The following H3Y2 variants were observed in gnomAD, a reference collection of about 807,000 sequenced individuals.
The protein encoded by H3Y2 is histone H3.X.
H3Y2 carries 2 observed loss-of-function variants against 0.6 expected under a neutral mutation model. The observed-to-expected ratio is 3.36, with a 90% CI of 1.37 to 10.58. The LOEUF (loss-of-function observed/expected upper bound fraction) is 10.58. H3Y2 is among the 30% of genes most tolerant of loss of function. H3Y2 has a pLI of 0.04. For synonymous variants in H3Y2, 20 were observed against 7.8 expected (o/e 2.56, Z -2.60); for missense variants, 36 against 19.1 (o/e 1.89, Z -1.66).
Position 17,491,858 on chromosome 5 carries a change from G to A in H3Y2, c.-90C>T. 2.5e-6 allele frequency: 1 copy of A among 398,462 alleles called. No individual in the cohort carries two copies. The highest frequency in any genetic ancestry group is 4.4e-6 in the Non-Finnish European group (1 of 226,550). 24.7% of individuals were successfully genotyped at this position (398,462 alleles called of 1,614,324 possible). A position where few individuals can be genotyped will look rare whatever the true frequency, so the allele number is the denominator to read the frequency against. ...GTCAGAAAACAAGGGCAGTGGTGCTGTGGACAGGATTCAGAGAGCCTGTGA... is the reference window on the plus strand; with the variant it reads ...GTCAGAAAACAAGGGCAGTGGTGCTATGGACAGGATTCAGAGAGCCTGTGA... On this transcript the variant is annotated 5_prime_UTR_variant, in exon 1 of 1. Coordinates refer to ENST00000600799, the MANE Select transcript of H3Y2 (RefSeq NM_001371919.1).
In H3Y2 at chr5:17,491,829, T is replaced by C. The variant is rs756681934; in HGVS notation, c.-61A>G. Reference sequence around the variant, plus strand: ...GAGCCTGGCCTGCTGCAGGCAGTACTGGCGTCAGAAAACAAGGGCAGTGGT... The same window carrying C: ...GAGCCTGGCCTGCTGCAGGCAGTACCGGCGTCAGAAAACAAGGGCAGTGGT... On this transcript the variant is annotated 5_prime_UTR_variant, in exon 1 of 1. Coordinates refer to ENST00000600799, the MANE Select transcript of H3Y2 (RefSeq NM_001371919.1). 1 of 399,144 alleles carries C rather than the reference T, an allele frequency of 2.5e-6. No individual in the cohort carries two copies. Among genetic ancestry groups the C allele is most frequent in the Non-Finnish European group, 4.4e-6 (1 of 226,846 alleles). 24.7% of individuals were successfully genotyped at this position (399,144 alleles called of 1,614,324 possible).
rs756707557 is a variant in H3Y2, at chr5:17,491,371, C to T, written c.398G>A (p.Gly133Glu). Residue 133 changes from glycine to glutamate, a missense_variant, in exon 1 of 1, where the codon GGA (glycine) becomes GAA (glutamate). Coordinates refer to ENST00000600799, the MANE Select transcript of H3Y2 (RefSeq NM_001371919.1). ...GAGCGTGGGCTCTCCGGCACCCTCT[C>T]CACGGAGGCGGCGGGCCAGCTGCAT... ...RDMQLARRLR[G>E]EGAGEPTLLG... is the part of the protein sequence containing the mutation. 1 of 441,282 alleles carries T rather than the reference C, an allele frequency of 2.3e-6. No homozygotes were observed. Among genetic ancestry groups the T allele is most frequent in the Non-Finnish European group, 4.0e-6 (1 of 248,112 alleles). 27.3% of individuals were successfully genotyped at this position (441,282 alleles called of 1,614,324 possible).
rs1201532485 is a variant in H3Y2 at position 17,491,752 on chromosome 5, T to G, written c.17A>C (p.Gln6Pro). Residue 6 changes from glutamine (Q) to proline (P), a missense_variant, in exon 1 of 1, where the codon CAG becomes CCG. Gln to Pro is a moderately conservative substitution (Grantham distance 76). Transcript: ENST00000600799. ...CCAGGCGGTGGCTTTGCGGGCGGTC[T>G]GCTTGGTGCGCGCCATGTTGTGGGG... MARTK[Q>P]TARKATAWQA... 3 of 405,832 alleles carry G rather than the reference T, an allele frequency of 7.4e-6. No individual in the cohort carries two copies. Among genetic ancestry groups the G allele is most frequent in the South Asian group, 1.1e-4 (1 of 9,192 alleles). 25.1% of individuals were successfully genotyped at this position (405,832 alleles called of 1,614,324 possible).
At position 17,491,279 on chromosome 5, in the gene H3Y2, G is replaced by C. The variant is rs930435611; in HGVS notation, c.*46C>G. ...TTCTCACATCAGAACTACCAGTTAC[G>C]GGGGAAGAGAAAAAAGAAAACACAA... On this transcript the variant is annotated 3_prime_UTR_variant, in exon 1 of 1. Transcript: ENST00000600799. 1 of 399,466 alleles carries C rather than the reference G, an allele frequency of 2.5e-6. No individual in the cohort carries two copies. The highest frequency in any genetic ancestry group is 2.1e-5 in the African/African-American group (1 of 48,280). The allele number at this position is 399,466 out of a possible 1,614,324, so 24.7% of individuals were successfully genotyped here.
rs553175088 is a variant in H3Y2 at position 17,491,014 on chromosome 5, ATAG to A, written c.*308_*310del. 8.0e-3 allele frequency among the ~76,000 whole-genome samples: 1,212 copies of A among 151,848 alleles called. 14 individuals are homozygous for A. Among genetic ancestry groups the A allele is most frequent in the Non-Finnish European group, 0.013 (885 of 68,018 alleles). ...TTGTTTACAGAACCCGTATGCAGACATAGTAAAGAAAAAAAAATAAGATTTCTT... is the reference window on the plus strand; with the variant it reads ...TTGTTTACAGAACCCGTATGCAGACATAAAGAAAAAAAAATAAGATTTCTT... On this transcript the variant is annotated 3_prime_UTR_variant, in exon 1 of 1. Coordinates refer to ENST00000600799, the MANE Select transcript of H3Y2 (RefSeq NM_001371919.1).
Position 17,491,831 on chromosome 5 carries a change from G to A in H3Y2, c.-63C>T. 2.5e-6 allele frequency: 1 copy of A among 399,186 alleles called. No homozygotes were observed. Among genetic ancestry groups the A allele is most frequent in the Non-Finnish European group, 4.4e-6 (1 of 226,860 alleles). The allele number at this position is 399,186 out of a possible 1,614,324, so 24.7% of individuals were successfully genotyped here. A position where few individuals can be genotyped will look rare whatever the true frequency, so the allele number is the denominator to read the frequency against. Reference sequence around the variant, plus strand: ...GCCTGGCCTGCTGCAGGCAGTACTGGCGTCAGAAAACAAGGGCAGTGGTGC... The same window carrying A: ...GCCTGGCCTGCTGCAGGCAGTACTGACGTCAGAAAACAAGGGCAGTGGTGC... On this transcript the variant is annotated 5_prime_UTR_variant, in exon 1 of 1. Coordinates refer to ENST00000600799, the MANE Select transcript of H3Y2 (RefSeq NM_001371919.1).
In H3Y2 at chr5:17,491,273, A is replaced by G. The variant is rs1738105978; in HGVS notation, c.*52T>C. ...CAAAACTTCTCACATCAGAACTACC[A>G]GTTACGGGGGAAGAGAAAAAAGAAA... is the stretch of plus-strand genomic sequence containing the variant. On this transcript the variant is annotated 3_prime_UTR_variant, in exon 1 of 1. Coordinates refer to ENST00000600799, the MANE Select transcript of H3Y2 (RefSeq NM_001371919.1). The G allele has an allele frequency of 2.5e-6, 1 of 399,500 alleles. No homozygotes were observed. The highest frequency in any genetic ancestry group is 4.4e-5 in the Admixed American group (1 of 22,726). The allele number at this position is 399,500 out of a possible 1,614,324, so 24.7% of individuals were successfully genotyped here. A position where few individuals can be genotyped will look rare whatever the true frequency, so the allele number is the denominator to read the frequency against.
In H3Y2 at chr5:17,491,732, C is replaced by G. The variant is rs1738116984; in HGVS notation, c.37G>C (p.Ala13Pro). The change falls in exon 1 of 1, where the codon GCC (alanine) becomes CCC (proline). Residue 13 changes from alanine to proline, a missense_variant. Physicochemically the swap from Ala to Pro is conservative, Grantham distance 27. Coordinates refer to ENST00000600799, the MANE Select transcript of H3Y2 (RefSeq NM_001371919.1). ...RTKQTARKAT[A>P]WQAPRKPLAT... ...AGGGGCTTCCTGGGGGCCTGCCAGGCGGTGGCTTTGCGGGCGGTCTGCTTG... is the reference window on the plus strand; with the variant it reads ...AGGGGCTTCCTGGGGGCCTGCCAGGGGGTGGCTTTGCGGGCGGTCTGCTTG... 4.9e-6 allele frequency: 2 copies of G among 404,670 alleles called. No individual in the cohort carries two copies. The highest frequency in any genetic ancestry group is 7.1e-5 in the East Asian group (2 of 28,142). The allele number at this position is 404,670 out of a possible 1,614,324, so 25.1% of individuals were successfully genotyped here.
At position 17,491,814 on chromosome 5, in the gene H3Y2, T is replaced by G. The variant is rs1192984553; in HGVS notation, c.-46A>C. ...CTCCTCTCTGAGGCTGAGCCTGGCC[T>G]GCTGCAGGCAGTACTGGCGTCAGAA... On this transcript the variant is annotated 5_prime_UTR_variant, in exon 1 of 1. Transcript: ENST00000600799. The G allele has an allele frequency of 5.0e-5, 20 of 399,528 alleles. No homozygotes were observed. The highest frequency in any genetic ancestry group is 3.9e-4 in the East Asian group (11 of 28,080). 24.7% of individuals were successfully genotyped at this position (399,528 alleles called of 1,614,324 possible). A position where few individuals can be genotyped will look rare whatever the true frequency, so the allele number is the denominator to read the frequency against.
Position 17,492,057 on chromosome 5 carries a change from G to C in H3Y2, c.-289C>G, listed in dbSNP as rs573024363. On this transcript the variant is annotated 5_prime_UTR_variant, in exon 1 of 1. Coordinates refer to ENST00000600799, the MANE Select transcript of H3Y2 (RefSeq NM_001371919.1). ...CAGGAGTCTCCCTCGCAGGCAGTCT[G>C]TTTCTGACTGGAGATCTCTGTGGTC... is the stretch of plus-strand genomic sequence containing the variant. Among the ~76,000 whole-genome samples, 7 of 151,778 alleles carry C rather than the reference G, an allele frequency of 4.6e-5. 1 individual carries two copies. The South Asian group carries it at 1.2e-3, about 27-fold the overall frequency.
At position 17,492,039 on chromosome 5, in the gene H3Y2, C is replaced by G. The variant is rs1043726485; in HGVS notation, c.-271G>C. On this transcript the variant is annotated 5_prime_UTR_variant, in exon 1 of 1. Transcript: ENST00000600799. ...GGTCTACCCAGCAGCAGCCAGGAGT[C>G]TCCCTCGCAGGCAGTCTGTTTCTGA... 6.6e-6 allele frequency among the ~76,000 whole-genome samples: 1 copy of G among 151,636 alleles called. No homozygotes were observed. The highest frequency in any genetic ancestry group is 2.4e-5 in the African/African-American group (1 of 41,000).
rs950590766 is a variant in H3Y2, at chr5:17,491,824, A to G, written c.-56T>C. 7.3e-5 allele frequency: 29 copies of G among 399,026 alleles called. No individual in the cohort carries two copies. Among genetic ancestry groups the G allele is most frequent in the East Asian group, 3.2e-4 (9 of 28,082 alleles). 24.7% of individuals were successfully genotyped at this position (399,026 alleles called of 1,614,324 possible). A position where few individuals can be genotyped will look rare whatever the true frequency, so the allele number is the denominator to read the frequency against. On this transcript the variant is annotated 5_prime_UTR_variant, in exon 1 of 1. Transcript: ENST00000600799. ...AGGCTGAGCCTGGCCTGCTGCAGGC[A>G]GTACTGGCGTCAGAAAACAAGGGCA...
In H3Y2 at chr5:17,491,653, G is replaced by A. The variant is rs1188430954; in HGVS notation, c.116C>T (p.Pro39Leu). Residue 39 changes from proline (P) to leucine (L), a missense_variant, in exon 1 of 1, where the codon CCT becomes CTT. Transcript: ENST00000600799. ...RASPTGGIKK[P>L]HRYKPGTLAL... ...CAGGGTGCCAGGCTTGTAGCGGTGA[G>A]GCTTCTTGATCCCTCCTGTAGGCGA... 2.4e-6 allele frequency: 1 copy of A among 410,388 alleles called. No homozygotes were observed. Among genetic ancestry groups the A allele is most frequent in the Non-Finnish European group, 4.3e-6 (1 of 232,354 alleles). The allele number at this position is 410,388 out of a possible 1,614,324, so 25.4% of individuals were successfully genotyped here.
Position 17,491,997 on chromosome 5 carries a change from A to G in H3Y2, c.-229T>C, listed in dbSNP as rs1363096785. ...GGCCGGGCTGCTTAGTCTTCCCGGA[A>G]GGTCTTGGGTTTCCTTGGTCTACCC... On this transcript the variant is annotated 5_prime_UTR_variant, in exon 1 of 1. Transcript: ENST00000600799. Among the ~76,000 whole-genome samples the G allele has an allele frequency of 6.6e-6, 1 of 151,554 alleles. No individual in the cohort carries two copies. Among genetic ancestry groups the G allele is most frequent in the Non-Finnish European group, 1.5e-5 (1 of 68,002 alleles).
In H3Y2 at chr5:17,490,986, A is replaced by T. The variant is rs1206383282; in HGVS notation, c.*339T>A. On this transcript the variant is annotated 3_prime_UTR_variant, in exon 1 of 1. Coordinates refer to ENST00000600799, the MANE Select transcript of H3Y2 (RefSeq NM_001371919.1). ...TTTAGCTCAGATTAATAAGAAATTT[A>T]TTTTGTTTACAGAACCCGTATGCAG... Among the ~76,000 whole-genome samples, 1 of 151,758 alleles carries T rather than the reference A, an allele frequency of 6.6e-6. No homozygotes were observed. The highest frequency in any genetic ancestry group is 1.9e-4 in the East Asian group (1 of 5,188).
rs536354777 is a variant in H3Y2 at position 17,491,861 on chromosome 5, G to C, written c.-93C>G. 6.0e-5 allele frequency: 24 copies of C among 398,306 alleles called. No homozygotes were observed. Among genetic ancestry groups the C allele is most frequent in the Admixed American group, 5.7e-4 (13 of 22,704 alleles). The allele number at this position is 398,306 out of a possible 1,614,324, so 24.7% of individuals were successfully genotyped here. A position where few individuals can be genotyped will look rare whatever the true frequency, so the allele number is the denominator to read the frequency against. On this transcript the variant is annotated 5_prime_UTR_variant, in exon 1 of 1. Coordinates refer to ENST00000600799, the MANE Select transcript of H3Y2 (RefSeq NM_001371919.1). Reference sequence around the variant, plus strand: ...AGAAAACAAGGGCAGTGGTGCTGTGGACAGGATTCAGAGAGCCTGTGAGTT... The same window carrying C: ...AGAAAACAAGGGCAGTGGTGCTGTGCACAGGATTCAGAGAGCCTGTGAGTT...
rs1738108650 is a variant in H3Y2, at chr5:17,491,380, C to T, written c.389G>A (p.Arg130His). Residue 130 changes from arginine (R) to histidine (H), a missense_variant, in exon 1 of 1, where the codon CGC becomes CAC. By Grantham distance (29) the Arg-to-His change is conservative. Coordinates refer to ENST00000600799, the MANE Select transcript of H3Y2 (RefSeq NM_001371919.1). Reference protein sequence around the residue: ...IMPRDMQLARRLRGEGAGEPT... With the variant: ...IMPRDMQLARHLRGEGAGEPT... ...CTCTCCGGCACCCTCTCCACGGAGG[C>T]GGCGGGCCAGCTGCATGTCTCGGGG... 2 of 450,544 alleles carry T rather than the reference C, an allele frequency of 4.4e-6. No homozygotes were observed. The highest frequency in any genetic ancestry group is 4.1e-5 in the African/African-American group (2 of 48,870). 27.9% of individuals were successfully genotyped at this position (450,544 alleles called of 1,614,324 possible).
rs187590039 is a variant in H3Y2, at chr5:17,492,045, C to T, written c.-277G>A. Among the ~76,000 whole-genome samples the T allele has an allele frequency of 4.6e-5, 7 of 151,650 alleles. No homozygotes were observed. The highest frequency in any genetic ancestry group is 7.4e-5 in the Non-Finnish European group (5 of 67,996). Reference sequence around the variant, plus strand: ...CCCAGCAGCAGCCAGGAGTCTCCCTCGCAGGCAGTCTGTTTCTGACTGGAG... The same window carrying T: ...CCCAGCAGCAGCCAGGAGTCTCCCTTGCAGGCAGTCTGTTTCTGACTGGAG... On this transcript the variant is annotated 5_prime_UTR_variant, in exon 1 of 1. Transcript: ENST00000600799.
rs1342549145 is a variant in H3Y2, at chr5:17,491,764, G to A, written c.5C>T (p.Ala2Val). 5 of 403,370 alleles carry A rather than the reference G, an allele frequency of 1.2e-5. No homozygotes were observed. The highest frequency in any genetic ancestry group is 7.1e-5 in the East Asian group (2 of 28,110). The allele number at this position is 403,370 out of a possible 1,614,324, so 25.0% of individuals were successfully genotyped here. ...TTTGCGGGCGGTCTGCTTGGTGCGC[G>A]CCATGTTGTGGGGCCTTGTGCTCTC... M[A>V]RTKQTARKAT... The change falls in exon 1 of 1, where the codon GCG (alanine) becomes GTG (valine). Residue 2 changes from alanine to valine, a missense_variant. Physicochemically the swap from Ala to Val is moderately conservative, Grantham distance 64. Transcript: ENST00000600799.
Sources: gnomAD v4.1 joint callset for allele counts (sites outside exome capture counted in the v4.1 genomes callset) on GRCh38, gnomAD v4.1.1 for gene constraint, MANE v1.5 for transcripts, NCBI Gene and HGNC (gene_info 2026-07-23, HGNC 2026-07-21) for gene names.